TENM4: variants seen among roughly 807,000 people sequenced by gnomAD.
TENM4 encodes teneurin transmembrane protein 4.
Under a neutral mutation model 243.3 loss-of-function variants are expected in TENM4, and 82 were observed. The observed-to-expected ratio is 0.34, with a 90% CI of 0.28 to 0.40. The LOEUF is 0.40. TENM4 is among the 10% of genes least tolerant of loss of function. The probability of loss-of-function intolerance (pLI) is 1.00; values close to 1 mark genes in which losing one functional copy is unlikely to be tolerated. For missense variants in TENM4, 3,138 were observed against 3,673.3 expected (o/e 0.85, Z 3.77); for synonymous variants, 1,412 against 1,456.3 (o/e 0.97, Z 0.69).
At chr11:78,724,331 A>G (rs1272239406) in intron 23 of TENM4, among the ~76,000 whole-genome samples, 1 of 152,128 alleles carries the variant, frequency 6.6e-6, no homozygotes, top group Non-Finnish European at 1.5e-5. Flanking sequence ...GCCTCAAGCG[A>G]TCCTCTCGCC....
chr11:78,993,693 C>A (rs1378113685), intron 6 of TENM4, among the ~76,000 whole-genome samples: 4 of 152,120 alleles, frequency 2.6e-5, no homozygotes, highest in African/African-American at 7.2e-5. Flanking sequence ...CTACATTTTT[C>A]AATTCAAGAA....
intron 9 of TENM4, among the ~76,000 whole-genome samples, chr11:78,879,063 G>A (rs1336393100): frequency 6.6e-6 from 1 of 152,026 alleles, no homozygotes; most frequent in Non-Finnish European, 1.5e-5. Context: ...AGGAAGTGAG[G>A]AGTGCCTCTG....
chr11:79,291,438 G>A (rs1030782563), intron 2 of TENM4, among the ~76,000 whole-genome samples: 5 of 152,190 alleles, frequency 3.3e-5, no homozygotes, highest in Non-Finnish European at 7.3e-5. Flanking sequence ...CAACCAAACA[G>A]CATGGTCATG....
intron 4 of TENM4, among the ~76,000 whole-genome samples, chr11:79,091,669 A>G (rs946767438): frequency 1.3e-5 from 2 of 152,156 alleles, no homozygotes; most frequent in African/African-American, 2.4e-5. Flanking sequence ...AGAATCTGCA[A>G]TTAGATCCCC....
At chr11:79,305,522 A>T (rs1481781263) in intron 1 of TENM4, among the ~76,000 whole-genome samples, 1 of 152,122 alleles carries the variant, frequency 6.6e-6, no homozygotes, top group African/African-American at 2.4e-5. Flanking sequence ...TTCAAGGGAG[A>T]CTCATGAGCA....
chr11:79,116,856 C>T (rs915256678), intron 4 of TENM4, among the ~76,000 whole-genome samples: 1 of 152,096 alleles, frequency 6.6e-6, no homozygotes, highest in East Asian at 1.9e-4. Flanking sequence ...TACTGTCTAC[C>T]CCACAGGGCT....
intron 2 of TENM4, among the ~76,000 whole-genome samples, chr11:79,236,231 G>C (rs1483512721): frequency 1.3e-5 from 2 of 152,138 alleles, no homozygotes; most frequent in Non-Finnish European, 2.9e-5. Context: ...TCTCAGTCCT[G>C]TAGCACAAAT....
At chr11:79,437,109 A>C (rs1859286723) in intron 1 of TENM4, among the ~76,000 whole-genome samples, 1 of 152,224 alleles carries the variant, frequency 6.6e-6, no homozygotes, top group South Asian at 2.1e-4. Flanking sequence ...AGTTCCACTA[A>C]GTGGAAGGGC....
intron 1 of TENM4, among the ~76,000 whole-genome samples, chr11:79,368,459 G>T (rs116595059): frequency 8.9e-4 from 135 of 152,274 alleles, no homozygotes; most frequent in African/African-American, 3.2e-3. Flanking sequence ...TTCCATACAT[G>T]CTCACCTGTA....
At chr11:79,123,598 C>CT (rs1861792915) in intron 4 of TENM4, among the ~76,000 whole-genome samples, 1 of 102,542 alleles carries the variant, frequency 9.8e-6, no homozygotes, top group African/African-American at 3.3e-5. Context: ...CGCAGTAGCC[C>CT]CTTTTTTTTT....
chr11:78,882,699 T>C (rs1365532868), intron 9 of TENM4, among the ~76,000 whole-genome samples: 2 of 152,344 alleles, frequency 1.3e-5, no homozygotes, highest in East Asian at 1.9e-4. Flanking sequence ...ATTTCCTAGA[T>C]AGCCTCAAGA....
chr11:78,772,469 C>T (rs965169518), intron 17 of TENM4, among the ~76,000 whole-genome samples: 3 of 152,186 alleles, frequency 2.0e-5, no homozygotes, highest in Non-Finnish European at 4.4e-5. Flanking sequence ...ACTGTGTCAG[C>T]TATAAAGCTT....
intron 1 of TENM4, among the ~76,000 whole-genome samples, chr11:79,410,267 C>T (rs1858669824): frequency 6.6e-6 from 1 of 152,142 alleles, no homozygotes; most frequent in Non-Finnish European, 1.5e-5. Context: ...TTTCTCAGGG[C>T]TTTAGGAAGA....
chr11:78,802,136 A>AG (rs1405430600), intron 15 of TENM4, among the ~76,000 whole-genome samples: 1 of 152,224 alleles, frequency 6.6e-6, no homozygotes, highest in Non-Finnish European at 1.5e-5. Context: ...TAGTGAATCC[A>AG]GGCAACGAGG....
chr11:78,982,582 C>T (rs1857823942), intron 6 of TENM4, among the ~76,000 whole-genome samples: 1 of 152,180 alleles, frequency 6.6e-6, no homozygotes, highest in Admixed American at 6.5e-5. Context: ...CCCAATAGGC[C>T]CTGTGGCCCA....
In TENM4 at chr11:79,039,369, G is replaced by A. The variant is rs959423856; in HGVS notation, c.493+25369C>T. 3.9e-5 allele frequency among the ~76,000 whole-genome samples: 6 copies of A among 152,318 alleles called. No homozygotes were observed. The South Asian group carries it at 1.2e-3, about 32-fold the overall frequency. On this transcript the variant is annotated intron_variant, in intron 6 of 33. Coordinates refer to ENST00000278550, the MANE Select transcript of TENM4 (RefSeq NM_001098816.3). ...CCAGCCCCACACTTGCTGTACGTCA[G>A]CACAGCTGTCAGCCTGGCTCACATT...
chr11:78,988,674 A>T (rs1857974397), intron 6 of TENM4, among the ~76,000 whole-genome samples: 2 of 151,812 alleles, frequency 1.3e-5, no homozygotes, highest in African/African-American at 4.8e-5. Context: ...CAATCCCCCC[A>T]CTCCCTTTTT....
chr11:78,824,142 A>G (rs995510310), intron 12 of TENM4, among the ~76,000 whole-genome samples: 2 of 152,216 alleles, frequency 1.3e-5, no homozygotes, highest in African/African-American at 4.8e-5. Context: ...AGCATGCTGT[A>G]TTAGTCTGTC....
intron 12 of TENM4, among the ~76,000 whole-genome samples, 162 bp downstream of exon 12, chr11:78,853,942 G>A (rs1041105465): frequency 6.6e-6 from 1 of 152,188 alleles, no homozygotes; most frequent in East Asian, 1.9e-4. Flanking sequence ...AATGGCGGGC[G>A]ATTCCCTGTG....
Sources: gnomAD v4.1 joint callset for allele counts (sites outside exome capture counted in the v4.1 genomes callset) on GRCh38, gnomAD v4.1.1 for gene constraint, MANE v1.5 for transcripts, NCBI Gene and HGNC (gene_info 2026-07-23, HGNC 2026-07-21) for gene names.